Variants in CD46 observed in about 807,000 individuals in gnomAD.
The protein encoded by CD46 is membrane cofactor protein.
Under a neutral mutation model 53.3 loss-of-function variants are expected in CD46, and 30 were observed. The ratio of observed to expected loss-of-function variants is 0.56; its 90% CI spans 0.42 to 0.76. The LOEUF is 0.76. Among genes scored for constraint, CD46 ranks in the 30% least tolerant of loss-of-function variants. CD46 has a pLI of 0.00. For synonymous variants in CD46, 142 were observed against 152.0 expected, an observed-to-expected ratio of 0.93 and a Z score of 0.48; for missense variants, 409 against 463.0, an observed-to-expected ratio of 0.88 and a Z score of 1.07.
intron 1 of CD46, among the ~76,000 whole-genome samples, chr1:207,756,296 T>TG (rs1655528319): frequency 6.6e-6 from 1 of 152,116 alleles, no homozygotes; most frequent in Non-Finnish European, 1.5e-5. Context: ...GGTGAGTAAT[T>TG]CTGAAAAGCA....
intron 4 of CD46, 24 bp from the exon 5 acceptor site, chr1:207,761,225 T>G: frequency 6.8e-7 from 1 of 1,465,262 alleles, no homozygotes; most frequent in Non-Finnish European, 9.5e-7. Flanking sequence ...TACATTTCCT[T>G]TCCTCTTTTT....
In CD46 at chr1:207,767,847, T is replaced by G. The variant is rs774833302; in HGVS notation, c.901+24T>G. On this transcript the variant is annotated intron_variant, in intron 7 of 12. Coordinates refer to ENST00000367042, the MANE Select transcript of CD46 (RefSeq NM_172351.3). Reference sequence around the variant, plus strand: ...AGGTTTAGTAATTTCCTGCTTATAGTTTTTCAAAAATCCTTTAAATTCCTG... The same window carrying G: ...AGGTTTAGTAATTTCCTGCTTATAGGTTTTCAAAAATCCTTTAAATTCCTG... 4.5e-6 allele frequency: 7 copies of G among 1,558,614 alleles called. No homozygotes were observed. The Admixed American group carries it at 1.2e-4, about 26-fold the overall frequency.
chr1:207,752,361 C>T lies in CD46; in HGVS notation c.97+52C>T. ...TCCGCGGCGAGACTAGAGCTCTCCT[C>T]AGTCGGGCAAGAGTCGCGGGGCGGG... On this transcript the variant is annotated intron_variant, in intron 1 of 12. Transcript: ENST00000367042. The surrounding 1 kb of genome is among the most constrained non-coding windows in gnomAD (Gnocchi z 4.1). 6.5e-7 allele frequency: 1 copy of T among 1,543,058 alleles called. No individual in the cohort carries two copies. Among genetic ancestry groups the T allele is most frequent in the Non-Finnish European group, 9.0e-7 (1 of 1,116,516 alleles).
chr1:207,754,865 T>TG (rs1183515188), intron 1 of CD46, among the ~76,000 whole-genome samples: 1 of 151,250 alleles, frequency 6.6e-6, no homozygotes, highest in Non-Finnish European at 1.5e-5. Context: ...ACTTTTTTTT[T>TG]TTTCTTTTAA....
At chr1:207,790,423 C>A in intron 12 of CD46, 78 bp downstream of exon 12, 1 of 743,152 alleles carries the variant, frequency 1.3e-6, no homozygotes, top group South Asian at 1.5e-5. Context: ...TATCAATAAC[C>A]TGAGCAAAGA....
rs374149364 is a variant in CD46, at chr1:207,792,014, G to T, written c.*42-1505G>T. 1.8e-4 allele frequency among the ~76,000 whole-genome samples: 28 copies of T among 152,262 alleles called. No individual in the cohort carries two copies. In the South Asian group the frequency reaches 5.4e-3, roughly 29 times the overall value. Reference sequence around the variant, plus strand: ...AAATATAGTGGTGGCCAGTCCTGGTGGCTCACACCTATAATCCCAGCACTT... The same window carrying T: ...AAATATAGTGGTGGCCAGTCCTGGTTGCTCACACCTATAATCCCAGCACTT... On this transcript the variant is annotated intron_variant, in intron 12 of 12. Coordinates refer to ENST00000367042, the MANE Select transcript of CD46 (RefSeq NM_172351.3).
Position 207,770,355 on chromosome 1 carries a change from T to C in CD46, c.936T>C (p.Asn312=). ...CTACTTACAAGCCTCCAGTCTCAAA[T>C]TATCCAGGTTGGTTAACTCTTTATC... ...PRPTYKPPVS[N]YPGYPKPEEG... The change falls in exon 8 of 13, where the codon AAT becomes AAC. Residue 312 remains asparagine, a synonymous_variant. Coordinates refer to ENST00000367042, the MANE Select transcript of CD46 (RefSeq NM_172351.3). 1 of 1,601,964 alleles carries C rather than the reference T, an allele frequency of 6.2e-7. No individual in the cohort carries two copies. Among genetic ancestry groups the C allele is most frequent in the Non-Finnish European group, 8.6e-7 (1 of 1,169,408 alleles).
At position 207,795,007 on chromosome 1, in the gene CD46, T is replaced by C. The variant is rs1282603933; in HGVS notation, c.*1530T>C. ...GTAAATGTTCCTTTCCTTTGTAGTC[T>C]CTGGCAAGATGCTTTAGGAAGATAA... On this transcript the variant is annotated 3_prime_UTR_variant, in exon 13 of 13. Transcript: ENST00000367042. The C allele has an allele frequency of 2.6e-5, 4 of 152,232 alleles. No individual in the cohort carries two copies. Among genetic ancestry groups the C allele is most frequent in the Non-Finnish European group, 5.9e-5 (4 of 68,046 alleles). The allele number at this position is 152,232 out of a possible 1,614,324, so 9.4% of individuals were successfully genotyped here. A position where few individuals can be genotyped will look rare whatever the true frequency, so the allele number is the denominator to read the frequency against.
chr1:207,761,336 C>G lies in CD46; in HGVS notation c.563C>G (p.Thr188Ser). The change falls in exon 5 of 13, where the codon ACT becomes AGT. Residue 188 changes from threonine (T) to serine (S), a missense_variant. Physicochemically the swap from Thr to Ser is moderately conservative, Grantham distance 58 (BLOSUM62 1). Transcript: ENST00000367042. ...VEVFEYLDAV[T>S]YSCDPAPGPD... ...GTATTTGAGTATCTTGATGCAGTAA[C>G]TTATAGTTGTGATCCTGCACCTGGA... The G allele has an allele frequency of 6.2e-7, 1 of 1,612,988 alleles. No individual in the cohort carries two copies. Among genetic ancestry groups the G allele is most frequent in the Non-Finnish European group, 8.5e-7 (1 of 1,178,974 alleles).
At position 207,759,687 on chromosome 1, in the gene CD46, A is replaced by G; in HGVS notation, c.438A>G (p.Ser146=). 1 of 1,606,988 alleles carries G rather than the reference A, an allele frequency of 6.2e-7. No homozygotes were observed. The highest frequency in any genetic ancestry group is 8.5e-7 in the Non-Finnish European group (1 of 1,173,698). ...TTCTATATTGTGAACTTAAAGGATC[A>G]GTAGCAATTTGGAGCGGTAAGCCCC... The part of the protein sequence containing the change: ...EEILYCELKG[S]VAIWSGKPPI... The change falls in exon 4 of 13, where the codon TCA becomes TCG. Residue 146 remains serine, a synonymous_variant. Transcript: ENST00000367042.
At position 207,794,026 on chromosome 1, in the gene CD46, A is replaced by G. The variant is rs937269217; in HGVS notation, c.*549A>G. The G allele has an allele frequency of 4.2e-5, 7 of 167,894 alleles. No homozygotes were observed. Among genetic ancestry groups the G allele is most frequent in the African/African-American group, 1.4e-4 (6 of 41,836 alleles). The allele number at this position is 167,894 out of a possible 1,614,324, so 10.4% of individuals were successfully genotyped here. ...TGTATTTTATATATCGTTCATTGTA[A>G]AAAGCCCTTAAAAATATGTGTATAC... is the stretch of plus-strand genomic sequence containing the variant. On this transcript the variant is annotated 3_prime_UTR_variant, in exon 13 of 13. Transcript: ENST00000367042.
In CD46 at chr1:207,775,004, G is replaced by A. The variant is rs142099738; in HGVS notation, c.943+4642G>A. Among the ~76,000 whole-genome samples the A allele has an allele frequency of 7.4e-3, 1,119 of 152,222 alleles. 48 individuals carry two copies. Among genetic ancestry groups the A allele is most frequent in the Admixed American group, 0.066 (1,016 of 15,294 alleles). Reference sequence around the variant, plus strand: ...TTTCTAACTTGATTCCATTCTCCCCGTCACTTTCAGGTACACCAATCAAAC... The same window carrying A: ...TTTCTAACTTGATTCCATTCTCCCCATCACTTTCAGGTACACCAATCAAAC... On this transcript the variant is annotated intron_variant, in intron 8 of 12. Transcript: ENST00000367042.
chr1:207,761,529 G>A, intron 5 of CD46, 83 bp downstream of exon 5: 1 of 1,094,086 alleles, frequency 9.1e-7, no homozygotes, highest in Non-Finnish European at 1.4e-6. Context: ...GATAAACAAA[G>A]CAGGTGTATG....
At chr1:207,780,356 T>C (rs1455030806) in intron 8 of CD46, among the ~76,000 whole-genome samples, 1 of 152,194 alleles carries the variant, frequency 6.6e-6, no homozygotes. Context: ...TCTAGATCTA[T>C]CTTGTGACAT....
At chr1:207,792,892 A>C (rs1659930666) in intron 12 of CD46, among the ~76,000 whole-genome samples, 1 of 152,254 alleles carries the variant, frequency 6.6e-6, no homozygotes, top group South Asian at 2.1e-4. Context: ...TACTCGGTTA[A>C]AGAAAATAAA....
intron 3 of CD46, among the ~76,000 whole-genome samples, chr1:207,758,722 T>C (rs1349849373): frequency 6.6e-6 from 1 of 152,134 alleles, no homozygotes; most frequent in Non-Finnish European, 1.5e-5. Flanking sequence ...AAATCAGCTG[T>C]GACTATGTAA....
intron 11 of CD46, among the ~76,000 whole-genome samples, chr1:207,787,292 G>A (rs1179869313): frequency 6.6e-6 from 1 of 152,116 alleles, no homozygotes; most frequent in African/African-American, 2.4e-5. Flanking sequence ...GGCTGGTCTT[G>A]AACTCCTGAC....
intron 5 of CD46, among the ~76,000 whole-genome samples, chr1:207,765,318 C>T (rs912976861): frequency 3.3e-5 from 5 of 152,092 alleles, no homozygotes; most frequent in Non-Finnish European, 5.9e-5. Context: ...TCTATCTTAC[C>T]CTGATAACAG....
intron 5 of CD46, among the ~76,000 whole-genome samples, chr1:207,763,675 T>C (rs1656493470): frequency 6.6e-6 from 1 of 152,140 alleles, no homozygotes; most frequent in Admixed American, 6.5e-5. Flanking sequence ...CTGAATATTT[T>C]TTATTTTTTT....
Sources: allele counts gnomAD v4.1 joint callset (sites outside exome capture counted in the v4.1 genomes callset), GRCh38; gene constraint gnomAD v4.1.1; non-coding constraint Gnocchi (gnomAD v3.1); transcripts MANE v1.5; gene names NCBI Gene and HGNC (gene_info 2026-07-23, HGNC 2026-07-21).